The following ESYT2 variants were observed in gnomAD, a reference collection of about 807,000 sequenced individuals.
ESYT2 encodes the protein extended synaptotagmin-2.
A neutral mutation model predicts 107.2 loss-of-function variants in ESYT2; 54 were observed. That is an observed-to-expected ratio of 0.50 (90% CI 0.40 to 0.63). ESYT2 has a LOEUF of 0.63. ESYT2 is among the 30% of genes least tolerant of loss of function. ESYT2 has a pLI of 0.00. For missense variants in ESYT2, 1,020 were observed against 1,094.5 expected (o/e 0.93, Z 0.96); for synonymous variants, 491 against 434.1 (o/e 1.13, Z -1.63).
chr7:158,821,319 AAAG>A (rs1371014725), intron 1 of ESYT2, among the ~76,000 whole-genome samples: 40 of 152,240 alleles, frequency 2.6e-4, no homozygotes, highest in African/African-American at 7.7e-4. Context: ...ATTGAGAGTA[AAAG>A]AAGATCGCCT....
At chr7:158,772,130 A>G (rs1314150789) in intron 7 of ESYT2, among the ~76,000 whole-genome samples, 1 of 152,110 alleles carries the variant, frequency 6.6e-6, no homozygotes. Flanking sequence ...TCAAAAAAAA[A>G]AAAAGAAACT....
intron 16 of ESYT2, among the ~76,000 whole-genome samples, chr7:158,744,619 C>T (rs192357530): frequency 4.6e-5 from 7 of 152,372 alleles, no homozygotes; most frequent in African/African-American, 1.7e-4. Context: ...TCATCTCAGC[C>T]TCCCAAAGTA....
intron 4 of ESYT2, among the ~76,000 whole-genome samples, chr7:158,792,915 CCCA>C (rs1348535713): frequency 6.6e-6 from 1 of 151,626 alleles, no homozygotes; most frequent in Non-Finnish European, 1.5e-5. Context: ...ACTACAGGCG[CCCA>C]CCACCACGCC....
intron 13 of ESYT2, among the ~76,000 whole-genome samples, chr7:158,757,256 A>ACTG (rs1482320336): frequency 6.6e-6 from 1 of 152,252 alleles, no homozygotes; most frequent in East Asian, 1.9e-4. Flanking sequence ...CCGCCAGCCA[A>ACTG]CTGCATTAGA....
intron 6 of ESYT2, among the ~76,000 whole-genome samples, chr7:158,777,930 C>T (rs1291193255): frequency 6.6e-6 from 1 of 152,184 alleles, no homozygotes; most frequent in Non-Finnish European, 1.5e-5. Flanking sequence ...ATGCTGTTCG[C>T]TTCACAGCAC....
chr7:158,788,494 T>C, intron 4 of ESYT2, 77 bp from the exon 5 acceptor site: 1 of 1,227,714 alleles, frequency 8.1e-7, no homozygotes, highest in Non-Finnish European at 1.1e-6. Context: ...GCAAGATGTA[T>C]AATCTGAATA....
intron 1 of ESYT2, among the ~76,000 whole-genome samples, chr7:158,808,316 C>T (rs956014808): frequency 2.4e-4 from 36 of 152,348 alleles, no homozygotes; most frequent in African/African-American, 8.2e-4. Flanking sequence ...GAGCCCCGTC[C>T]GGCACGTTCG....
intron 13 of ESYT2, among the ~76,000 whole-genome samples, chr7:158,757,388 G>A (rs1204307178): frequency 6.6e-6 from 1 of 152,132 alleles, no homozygotes; most frequent in Non-Finnish European, 1.5e-5. Flanking sequence ...CCCGACGCTC[G>A]CCTCTCTTTT....
In ESYT2 at chr7:158,829,224, G is replaced by A; in HGVS notation, c.195C>T (p.Leu65=). The change falls in exon 1 of 23, where the codon CTC becomes CTT. Residue 65 remains leucine, a synonymous_variant. Coordinates refer to ENST00000275418, the MANE Select transcript of ESYT2 (RefSeq NM_001367773.1). ...GACACCAGGCGAGCAGCGCGAGCGC[G>A]AGGAGAACCCAGCTGAAGCTGAGCC... ...YLGLSFSWVL[L]ALALLAWCRR... is the part of the protein sequence containing the mutation. The A allele has an allele frequency of 5.2e-6, 8 of 1,529,714 alleles. No individual in the cohort carries two copies. The East Asian group carries it at 7.6e-5, about 14-fold the overall frequency. 94.8% of individuals were successfully genotyped at this position (1,529,714 alleles called of 1,614,324 possible).
In ESYT2 at chr7:158,743,593, C is replaced by T. The variant is rs1837290440; in HGVS notation, c.1730G>A (p.Ser577Asn). ...CGAGTTACTGAGCTGGAAGCGCTGG[C>T]TCACAGTCATGTCCTCACTGGTGAG... is the stretch of plus-strand genomic sequence containing the variant. ...QLLTSEDMTV[S>N]QRFQLSNSGP... Residue 577 changes from serine (S) to asparagine (N), a missense_variant, in exon 17 of 23, where the codon AGC becomes AAC. Transcript: ENST00000275418. 1.2e-6 allele frequency: 2 copies of T among 1,613,380 alleles called. No individual in the cohort carries two copies. Among genetic ancestry groups the T allele is most frequent in the African/African-American group, 1.3e-5 (1 of 74,848 alleles).
At chr7:158,827,229 T>C (rs1394359830) in intron 1 of ESYT2, among the ~76,000 whole-genome samples, 1 of 151,918 alleles carries the variant, frequency 6.6e-6, no homozygotes, top group Admixed American at 6.6e-5. Context: ...CAAGCAAATT[T>C]GATATTAGCC....
chr7:158,814,283 AAAAT>A (rs1405899182), intron 1 of ESYT2, among the ~76,000 whole-genome samples: 9 of 118,336 alleles, frequency 7.6e-5, no homozygotes, highest in Non-Finnish European at 1.4e-4. Flanking sequence ...CAAAAAAAAA[AAAAT>A]TATATATATA....
In ESYT2 at chr7:158,732,448, T is replaced by C. The variant is rs904120091; in HGVS notation, c.*1759A>G. 3.3e-5 allele frequency: 5 copies of C among 152,240 alleles called. No individual in the cohort carries two copies. Among genetic ancestry groups the C allele is most frequent in the African/African-American group, 1.2e-4 (5 of 41,468 alleles). The allele number at this position is 152,240 out of a possible 1,614,324, so 9.4% of individuals were successfully genotyped here. On this transcript the variant is annotated 3_prime_UTR_variant, in exon 23 of 23. Coordinates refer to ENST00000275418, the MANE Select transcript of ESYT2 (RefSeq NM_001367773.1). ...ATTGGAAATGGTTTATAAAGAGGCT[T>C]TACAGTCGCATGTCATTCAGCAGGA...
At chr7:158,813,934 C>T (rs1840060572) in intron 1 of ESYT2, among the ~76,000 whole-genome samples, 1 of 151,756 alleles carries the variant, frequency 6.6e-6, no homozygotes, top group African/African-American at 2.4e-5. Context: ...AAAAAATATA[C>T]GTTCCTCGTC....
intron 7 of ESYT2, among the ~76,000 whole-genome samples, chr7:158,772,521 A>G (rs1563642100): frequency 6.6e-6 from 1 of 152,232 alleles, no homozygotes; most frequent in Non-Finnish European, 1.5e-5. Flanking sequence ...CCCACAGGTG[A>G]TATGTTTTAA....
Position 158,759,504 on chromosome 7 carries a change from A to G in ESYT2, c.1401T>C (p.Asp467=). 6.2e-7 allele frequency: 1 copy of G among 1,611,096 alleles called. No homozygotes were observed. The highest frequency in any genetic ancestry group is 8.5e-7 in the Non-Finnish European group (1 of 1,177,592). The change falls in exon 13 of 23, where the codon GAT becomes GAC. Residue 467 remains aspartate, a synonymous_variant. Coordinates refer to ENST00000275418, the MANE Select transcript of ESYT2 (RefSeq NM_001367773.1). ...TACCTACCGGAAGGTTCCTTGCTGA[A>G]TCCAAGTACAAGATCAGCAATGCAG... ...LSSALLILYL[D]SARNLPSNPL... is the part of the protein sequence containing the mutation.
intron 7 of ESYT2, among the ~76,000 whole-genome samples, chr7:158,772,294 C>T (rs9792069): frequency 0.11 from 16,462 of 152,118 alleles, 1,349 homozygotes; most frequent in East Asian, 0.43. Flanking sequence ...AACCACAGCA[C>T]CTAAAAAGGA....
chr7:158,761,407 A>T, intron 11 of ESYT2, 89 bp downstream of exon 11: 1 of 1,085,714 alleles, frequency 9.2e-7, no homozygotes, highest in Non-Finnish European at 1.4e-6. Flanking sequence ...GCACTGTGTG[A>T]TGGTGAAGGG....
intron 18 of ESYT2, among the ~76,000 whole-genome samples, chr7:158,740,929 T>C (rs1837174347): frequency 6.6e-6 from 1 of 152,184 alleles, no homozygotes; most frequent in Non-Finnish European, 1.5e-5. Flanking sequence ...CAAAGGTCAA[T>C]TTTGTTTCTT....
Sources: gnomAD v4.1 joint callset for allele counts (sites outside exome capture counted in the v4.1 genomes callset) on GRCh38, gnomAD v4.1.1 for gene constraint, MANE v1.5 for transcripts, NCBI Gene and HGNC (gene_info 2026-07-23, HGNC 2026-07-21) for gene names.